Variants in FOXO3 observed in about 807,000 individuals in gnomAD.
FOXO3 encodes forkhead box protein O3.
Under a neutral mutation model 41.9 loss-of-function variants are expected in FOXO3, and 4 were observed. That is an observed-to-expected ratio of 0.10 (90% CI 0.05 to 0.22). FOXO3 has a LOEUF of 0.22. Ranked by LOEUF, FOXO3 falls within the 10% of genes least tolerant of loss-of-function variation. FOXO3 has a pLI of 1.00. For missense variants in FOXO3, 534 were observed against 906.8 expected, an observed-to-expected ratio of 0.59 and a Z score of 5.28; for synonymous variants, 318 against 389.3, an observed-to-expected ratio of 0.82 and a Z score of 2.16.
At chr6:108,643,074 T>C (rs1778301852) in intron 1 of FOXO3, among the ~76,000 whole-genome samples, 1 of 152,258 alleles carries the variant, frequency 6.6e-6, no homozygotes, top group African/African-American at 2.4e-5. Context: ...GGTTACTCTT[T>C]ACTTCCAAAT....
At chr6:108,633,639 A>G (rs1054582448) in intron 1 of FOXO3, among the ~76,000 whole-genome samples, 7 of 152,142 alleles carry the variant, frequency 4.6e-5, no homozygotes, top group African/African-American at 1.2e-4. Flanking sequence ...ATGCAGTACA[A>G]TGAAGCTCTT....
intron 1 of FOXO3, among the ~76,000 whole-genome samples, chr6:108,578,032 A>G (rs778326777): frequency 6.6e-6 from 1 of 152,212 alleles, no homozygotes; most frequent in Non-Finnish European, 1.5e-5. Context: ...ATTGCATAAG[A>G]CTTGAAAACT....
chr6:108,660,544 G>T (rs1400744921), intron 1 of FOXO3, among the ~76,000 whole-genome samples: 1 of 152,194 alleles, frequency 6.6e-6, no homozygotes, highest in Non-Finnish European at 1.5e-5. Flanking sequence ...ATTTACTAAT[G>T]GTAAAATCCT....
In FOXO3 at chr6:108,680,196, A is replaced by C. The variant is rs1447932209; in HGVS notation, c.*404A>C. The C allele has an allele frequency of 6.6e-6, 1 of 152,476 alleles. No individual in the cohort carries two copies. Among genetic ancestry groups the C allele is most frequent in the Non-Finnish European group, 1.5e-5 (1 of 68,006 alleles). 9.4% of individuals were successfully genotyped at this position (152,476 alleles called of 1,614,324 possible). On this transcript the variant is annotated 3_prime_UTR_variant, in exon 3 of 3. Coordinates refer to ENST00000406360, the MANE Select transcript of FOXO3 (RefSeq NM_001455.4). ...TTGTTCTTGTGTTTGTTTTCCTTTG[A>C]CTTTCTGAGTTTTTCACATGCATTA...
chr6:108,572,468 A>G (rs1395851367), intron 1 of FOXO3, among the ~76,000 whole-genome samples: 3 of 152,192 alleles, frequency 2.0e-5, no homozygotes, highest in Non-Finnish European at 4.4e-5. Context: ...CATTCAAAAA[A>G]CCAGCTCTTC....
chr6:108,579,393 G>T (rs1228726639), intron 1 of FOXO3, among the ~76,000 whole-genome samples: 4 of 152,198 alleles, frequency 2.6e-5, no homozygotes, highest in African/African-American at 4.8e-5. Context: ...CCACATGGAA[G>T]GGAAAGCTGC....
chr6:108,669,357 A>C (rs749764408), intron 2 of FOXO3, among the ~76,000 whole-genome samples: 14 of 152,158 alleles, frequency 9.2e-5, no homozygotes, highest in Non-Finnish European at 1.8e-4. Flanking sequence ...ATGTCTTTAA[A>C]ATTTATGTTG....
At chr6:108,593,712 CTT>C (rs34228633) in intron 1 of FOXO3, among the ~76,000 whole-genome samples, 5 of 83,326 alleles carry the variant, frequency 6.0e-5, no homozygotes, top group Non-Finnish European at 6.7e-5. Context: ...TTTTCTTCTT[CTT>C]TTTTTTTTTT....
At chr6:108,678,866 A>ATTTTTTTTTT (rs1770724993) in intron 2 of FOXO3, among the ~76,000 whole-genome samples, 2 of 70,648 alleles carry the variant, frequency 2.8e-5, no homozygotes, top group African/African-American at 3.6e-5. Flanking sequence ...CATTTCTTAA[A>ATTTTTTTTTT]TTCTTTTTTT....
At chr6:108,604,351 C>T (rs1244873883) in intron 1 of FOXO3, among the ~76,000 whole-genome samples, 1 of 152,104 alleles carries the variant, frequency 6.6e-6, no homozygotes, top group Non-Finnish European at 1.5e-5. Flanking sequence ...CCTTTGCCCT[C>T]TTCAGTGGCA....
intron 1 of FOXO3, among the ~76,000 whole-genome samples, chr6:108,587,571 G>T (rs1246070327): frequency 6.6e-6 from 1 of 152,158 alleles, no homozygotes; most frequent in Non-Finnish European, 1.5e-5. Flanking sequence ...CTTGTTCTAC[G>T]GCTTGCTTTT....
chr6:108,657,008 C>T (rs1778706780), intron 1 of FOXO3, among the ~76,000 whole-genome samples: 1 of 152,150 alleles, frequency 6.6e-6, no homozygotes, highest in South Asian at 2.1e-4. Context: ...CATCATGCTG[C>T]CTCCTTCACA....
Position 108,680,464 on chromosome 6 carries a change from G to C in FOXO3, c.*672G>C, listed in dbSNP as rs1190988481. On this transcript the variant is annotated 3_prime_UTR_variant, in exon 3 of 3. Transcript: ENST00000406360. ...GCACAATTGTTTGCTATGTGCACCC[G>C]TCCAGGACAGAACCGTGCATAGGCA... is the stretch of plus-strand genomic sequence containing the variant. 6.6e-6 allele frequency: 1 copy of C among 152,120 alleles called. No homozygotes were observed. Among genetic ancestry groups the C allele is most frequent in the African/African-American group, 2.4e-5 (1 of 41,404 alleles). The allele number at this position is 152,120 out of a possible 1,614,324, so 9.4% of individuals were successfully genotyped here. A position where few individuals can be genotyped will look rare whatever the true frequency, so the allele number is the denominator to read the frequency against.
chr6:108,623,974 G>A (rs1271377584), intron 1 of FOXO3, among the ~76,000 whole-genome samples: 2 of 152,130 alleles, frequency 1.3e-5, no homozygotes, highest in African/African-American at 4.8e-5. Context: ...TAAGTTAATG[G>A]ACAAGTAGCA....
chr6:108,656,066 C>CT (rs1279425735), intron 1 of FOXO3, among the ~76,000 whole-genome samples: 5 of 151,254 alleles, frequency 3.3e-5, no homozygotes, highest in African/African-American at 4.9e-5. Flanking sequence ...GTGGGCCTGG[C>CT]TTTGGAGTTA....
chr6:108,562,900 C>G (rs1389258616), intron 1 of FOXO3, among the ~76,000 whole-genome samples: 1 of 152,220 alleles, frequency 6.6e-6, no homozygotes. Context: ...GGCCCCTTCC[C>G]CCAAGACAGT....
chr6:108,659,589 A>C (rs898047591), intron 1 of FOXO3, among the ~76,000 whole-genome samples: 2 of 152,092 alleles, frequency 1.3e-5, no homozygotes, highest in African/African-American at 4.8e-5. Context: ...GAGACGATGA[A>C]TCTAAAACAC....
chr6:108,624,929 T>C (rs1434410458), intron 1 of FOXO3, among the ~76,000 whole-genome samples: 2 of 151,992 alleles, frequency 1.3e-5, no homozygotes, highest in East Asian at 3.9e-4. Flanking sequence ...GCCACCACGC[T>C]CAGTGTTTTT....
intron 1 of FOXO3, 66 bp downstream of exon 1, chr6:108,561,895 C>A: frequency 2.7e-6 from 4 of 1,475,846 alleles, no homozygotes; most frequent in South Asian, 2.8e-5. Flanking sequence ...AGACGCGTCT[C>A]GGATTCGTCG....
Sources: allele counts gnomAD v4.1 joint callset (sites outside exome capture counted in the v4.1 genomes callset), GRCh38; gene constraint gnomAD v4.1.1; transcripts MANE v1.5; gene names NCBI Gene and HGNC (gene_info 2026-07-23, HGNC 2026-07-21).